LDLRAD3: variants seen among roughly 807,000 people sequenced by gnomAD.
The protein encoded by LDLRAD3 is low-density lipoprotein receptor class A domain-containing protein 3.
Under a neutral mutation model 29.4 loss-of-function variants are expected in LDLRAD3, and 20 were observed. The ratio of observed to expected loss-of-function variants is 0.68; its 90% CI spans 0.48 to 0.99. The LOEUF (loss-of-function observed/expected upper bound fraction) is 0.99. Among genes scored for constraint, LDLRAD3 ranks in the 50% least tolerant of loss-of-function variants. LDLRAD3 has a pLI of 0.00. For missense variants in LDLRAD3, 420 were observed against 454.3 expected (o/e 0.92, Z 0.69); for synonymous variants, 157 against 192.7 (o/e 0.81, Z 1.53).
chr11:36,229,354 A>G lies in LDLRAD3; in HGVS notation c.995A>G (p.Glu332Gly). 3.7e-6 allele frequency: 6 copies of G among 1,613,964 alleles called. No homozygotes were observed. Among genetic ancestry groups the G allele is most frequent in the Admixed American group, 1.7e-5 (1 of 60,024 alleles). Residue 332 changes from glutamate to glycine, a missense_variant, in exon 6 of 6, where the codon GAG becomes GGG. Glu to Gly is a moderately conservative substitution (Grantham distance 98). Around this residue, in one of 3 missense-constraint regions of LDLRAD3, gnomAD observed 140 missense variants for 139.9 expected, o/e 1.00. Coordinates refer to ENST00000315571, the MANE Select transcript of LDLRAD3 (RefSeq NM_174902.4). ...CCTGGCCCCCAGGAGGGCACTGCTG[A>G]GCCCAGGGACTCTGAGCCCAGCCAG... The part of the protein sequence containing the change: ...GQPGPQEGTA[E>G]PRDSEPSQGT...
At chr11:36,041,608 A>G (rs1490773069) in intron 2 of LDLRAD3, among the ~76,000 whole-genome samples, 1 of 152,162 alleles carries the variant, frequency 6.6e-6, no homozygotes, top group Non-Finnish European at 1.5e-5. Context: ...CTGTCCTTTG[A>G]TTAGTGCTCC....
intron 1 of LDLRAD3, among the ~76,000 whole-genome samples, chr11:35,993,111 A>G (rs998659861): frequency 6.6e-6 from 1 of 152,212 alleles, no homozygotes; most frequent in African/African-American, 2.4e-5. Context: ...ACAGGGTTAC[A>G]CAATTTATAA....
intron 3 of LDLRAD3, among the ~76,000 whole-genome samples, chr11:36,097,636 G>C (rs529308888): frequency 1.3e-5 from 2 of 152,302 alleles, no homozygotes; most frequent in South Asian, 4.1e-4. Context: ...GGAAGATAAA[G>C]AGATGAAGAG....
At chr11:36,151,623 C>T (rs1250774998) in intron 4 of LDLRAD3, among the ~76,000 whole-genome samples, 1 of 152,038 alleles carries the variant, frequency 6.6e-6, no homozygotes. Flanking sequence ...TCCGTGAGGG[C>T]GGGATCCCAC....
At chr11:36,191,760 G>A (rs1854957131) in intron 4 of LDLRAD3, among the ~76,000 whole-genome samples, 1 of 151,732 alleles carries the variant, frequency 6.6e-6, no homozygotes. Flanking sequence ...CAAATGGGGA[G>A]GGGGAAACTT....
chr11:35,958,229 A>G (rs1165102209), intron 1 of LDLRAD3, among the ~76,000 whole-genome samples: 1 of 152,214 alleles, frequency 6.6e-6, no homozygotes, highest in Non-Finnish European at 1.5e-5. Context: ...CACCCAGCCT[A>G]TTTCAGATGC....
intron 4 of LDLRAD3, among the ~76,000 whole-genome samples, chr11:36,156,662 G>T (rs1031639325): frequency 3.9e-5 from 6 of 152,180 alleles, no homozygotes; most frequent in African/African-American, 1.4e-4. Context: ...GCATTATTTG[G>T]CAACAATAAC....
intron 5 of LDLRAD3, 47 bp from the exon 6 acceptor site, chr11:36,229,113 C>A: frequency 1.5e-6 from 2 of 1,336,774 alleles, no homozygotes; most frequent in African/African-American, 1.4e-5. Context: ...GTGTTCTCTT[C>A]TCTTCCTGTC....
At chr11:36,131,834 A>G (rs181121156) in intron 4 of LDLRAD3, among the ~76,000 whole-genome samples, 1 of 152,178 alleles carries the variant, frequency 6.6e-6, no homozygotes, top group African/African-American at 2.4e-5. Context: ...GCCTCATTGA[A>G]CCCACCTGGG....
At chr11:36,002,643 C>T (rs1851838905) in intron 1 of LDLRAD3, among the ~76,000 whole-genome samples, 1 of 152,244 alleles carries the variant, frequency 6.6e-6, no homozygotes, top group Admixed American at 6.5e-5. Context: ...CCACTGGAAC[C>T]TCACTTGGCT....
At chr11:35,954,690 T>G (rs192688890) in intron 1 of LDLRAD3, among the ~76,000 whole-genome samples, 2 of 152,334 alleles carry the variant, frequency 1.3e-5, no homozygotes, top group African/African-American at 4.8e-5. Flanking sequence ...CTCATTGATC[T>G]TCAAAGACTT....
intron 1 of LDLRAD3, chr11:35,968,468 A>T: frequency 5.4e-6 from 2 of 371,068 alleles, no homozygotes; most frequent in Non-Finnish European, 1.1e-5. Context: ...AGTCCTCAAA[A>T]TCTGATCTGG....
intron 4 of LDLRAD3, among the ~76,000 whole-genome samples, chr11:36,146,009 A>AAT: frequency 6.7e-6 from 1 of 149,670 alleles, no homozygotes; most frequent in Non-Finnish European, 1.5e-5. Context: ...CAATAAAAAA[A>AAT]AGAAAAAAAA....
At chr11:35,976,988 G>A (rs963756832) in intron 1 of LDLRAD3, among the ~76,000 whole-genome samples, 1 of 152,136 alleles carries the variant, frequency 6.6e-6, no homozygotes, top group Admixed American at 6.5e-5. Flanking sequence ...TTTTTTGGGT[G>A]TTACTGATTT....
At chr11:35,946,560 C>T (rs756087972) in intron 1 of LDLRAD3, among the ~76,000 whole-genome samples, 2 of 152,176 alleles carry the variant, frequency 1.3e-5, no homozygotes, top group Non-Finnish European at 2.9e-5. Context: ...AAGCCCAAGT[C>T]ATGTCATCTG....
Position 35,965,502 on chromosome 11 carries a change from G to T in LDLRAD3, c.46+21358G>T, listed in dbSNP as rs574310592. On this transcript the variant is annotated intron_variant, in intron 1 of 5. Coordinates refer to ENST00000315571, the MANE Select transcript of LDLRAD3 (RefSeq NM_174902.4). Reference sequence around the variant, plus strand: ...GGCTGGGGGCCATGGGAGGGTGTAGGTAATTTGTTTTCAGGTATGTGGGTA... The same window carrying T: ...GGCTGGGGGCCATGGGAGGGTGTAGTTAATTTGTTTTCAGGTATGTGGGTA... 1.2e-3 allele frequency among the ~76,000 whole-genome samples: 184 copies of T among 152,274 alleles called. 3 individuals are homozygous for T. Among genetic ancestry groups the T allele is most frequent in the African/African-American group, 4.2e-3 (174 of 41,554 alleles).
chr11:36,189,547 C>T (rs1387405881), intron 4 of LDLRAD3, among the ~76,000 whole-genome samples: 1 of 151,812 alleles, frequency 6.6e-6, no homozygotes, highest in Non-Finnish European at 1.5e-5. Flanking sequence ...CCCCCATCTA[C>T]ACCCTAGGCC....
intron 4 of LDLRAD3, among the ~76,000 whole-genome samples, chr11:36,179,683 T>C (rs1450825426): frequency 6.6e-6 from 1 of 152,006 alleles, no homozygotes; most frequent in East Asian, 1.9e-4. Context: ...TTTAGGCCAC[T>C]GCAGGGAGTG....
In LDLRAD3 at chr11:35,976,859, C is replaced by T. The variant is rs111237367; in HGVS notation, c.46+32715C>T. On this transcript the variant is annotated intron_variant, in intron 1 of 5. Coordinates refer to ENST00000315571, the MANE Select transcript of LDLRAD3 (RefSeq NM_174902.4). ...TAAGGTGTGTGTTTGTGTGTGTGTG[C>T]GTGTGTGTACACACATGTCCATGCA... Among the ~76,000 whole-genome samples, 55 of 151,822 alleles carry T rather than the reference C, an allele frequency of 3.6e-4. 1 individual carries two copies. Among genetic ancestry groups the T allele is most frequent in the Admixed American group, 1.7e-3 (26 of 15,238 alleles).
Sources: allele counts gnomAD v4.1 joint callset (sites outside exome capture counted in the v4.1 genomes callset), GRCh38; gene constraint gnomAD v4.1.1; regional missense constraint gnomAD v4.1.1; transcripts MANE v1.5; gene names NCBI Gene and HGNC (gene_info 2026-07-23, HGNC 2026-07-21).